The following WDR27 variants were observed in gnomAD, a reference collection of about 807,000 sequenced individuals.
WDR27 encodes the protein WD repeat-containing protein 27.
WDR27 carries 100 observed loss-of-function variants against 114.4 expected under a neutral mutation model. The observed-to-expected ratio is 0.87, with a 90% CI of 0.74 to 1.03. The LOEUF (loss-of-function observed/expected upper bound fraction) is 1.03. Among genes scored for constraint, WDR27 ranks in the 50% least tolerant of loss-of-function variants. The probability of loss-of-function intolerance (pLI) is 0.00; values close to 1 mark genes in which losing one functional copy is unlikely to be tolerated. For missense variants in WDR27, 1,129 were observed against 1,092.9 expected (o/e 1.03, Z -0.47); for synonymous variants, 449 against 423.1 (o/e 1.06, Z -0.75).
chr6:169,596,365 T>A (rs1806793824), intron 23 of WDR27, among the ~76,000 whole-genome samples: 1 of 152,052 alleles, frequency 6.6e-6, no homozygotes, highest in Non-Finnish European at 1.5e-5. Flanking sequence ...GCTCTCTGTA[T>A]TTGCTTTCTA....
intron 17 of WDR27, among the ~76,000 whole-genome samples, chr6:169,641,052 C>T (rs1291025684): frequency 6.6e-6 from 1 of 152,232 alleles, no homozygotes; most frequent in Non-Finnish European, 1.5e-5. Context: ...CGTCCAGTGG[C>T]CACTAAGCCA....
At chr6:169,552,945 C>G (rs966815927) in intron 25 of WDR27, among the ~76,000 whole-genome samples, 5 of 145,566 alleles carry the variant, frequency 3.4e-5, no homozygotes, top group Non-Finnish European at 7.5e-5. Flanking sequence ...CGCACGCGCT[C>G]TGTGTGCTGT....
At chr6:169,446,945 T>C in the WDR27 span, among the ~76,000 whole-genome samples, 1 of 152,220 alleles carries the variant, frequency 6.6e-6, no homozygotes, top group Non-Finnish European at 1.5e-5. Flanking sequence ...ATTGGAAAAG[T>C]TGGTCTTTCT....
At chr6:169,520,236 T>C (rs1409624752) in intron 25 of WDR27, among the ~76,000 whole-genome samples, 1 of 152,152 alleles carries the variant, frequency 6.6e-6, no homozygotes, top group Admixed American at 6.5e-5. Flanking sequence ...CCCACACTGC[T>C]GGAATATCCC....
intron 23 of WDR27, among the ~76,000 whole-genome samples, chr6:169,587,391 G>C (rs1804869785): frequency 6.6e-6 from 1 of 151,892 alleles, no homozygotes; most frequent in African/African-American, 2.4e-5. Context: ...GCTAGTTTTT[G>C]TATTTTTAAT....
At chr6:169,584,155 A>C (rs973402264) in intron 23 of WDR27, among the ~76,000 whole-genome samples, 3 of 152,158 alleles carry the variant, frequency 2.0e-5, no homozygotes, top group African/African-American at 7.2e-5. Flanking sequence ...TTCACACAGA[A>C]GTGAGATCCT....
chr6:169,576,668 G>A (rs1409548684), intron 24 of WDR27, among the ~76,000 whole-genome samples: 2 of 151,724 alleles, frequency 1.3e-5, no homozygotes, highest in Admixed American at 1.3e-4. Flanking sequence ...TTAGGAGGTT[G>A]AGGCAGGAGG....
At chr6:169,646,443 A>T (rs1381542829) in intron 16 of WDR27, among the ~76,000 whole-genome samples, 2 of 152,196 alleles carry the variant, frequency 1.3e-5, no homozygotes, top group Non-Finnish European at 2.9e-5. Flanking sequence ...TTTTCCAAAA[A>T]CAGGGTAGAA....
At chr6:169,643,100 G>A (rs1819639372) in intron 17 of WDR27, among the ~76,000 whole-genome samples, 2 of 152,198 alleles carry the variant, frequency 1.3e-5, no homozygotes, top group South Asian at 4.1e-4. Context: ...AGAAGGACTA[G>A]TGAGATATTT....
At chr6:169,626,728 C>A (rs1305174009) in intron 21 of WDR27, among the ~76,000 whole-genome samples, 1 of 152,224 alleles carries the variant, frequency 6.6e-6, no homozygotes, top group Non-Finnish European at 1.5e-5. Flanking sequence ...TGTTCCACAA[C>A]AGAGCACTTC....
the WDR27 span, among the ~76,000 whole-genome samples, chr6:169,434,357 CTTTTGTCAGGTTTGTTGAAGA>C: frequency 1.3e-5 from 2 of 152,078 alleles, no homozygotes; most frequent in Non-Finnish European, 2.9e-5. Context: ...TTCCCCATCG[CTTTTGTCAGGTTTGTTGAAGA>C]TTAGAGGGTT....
At chr6:169,650,270 TACCC>T (rs1821997462) in intron 14 of WDR27, among the ~76,000 whole-genome samples, 3 of 68,070 alleles carry the variant, frequency 4.4e-5, no homozygotes, top group South Asian at 5.8e-4. Flanking sequence ...CCCCTCCATC[TACCC>T]ACCCACTCAT....
At chr6:169,553,512 G>A (rs1458233589) in intron 25 of WDR27, among the ~76,000 whole-genome samples, 4 of 152,142 alleles carry the variant, frequency 2.6e-5, no homozygotes, top group African/African-American at 4.8e-5. Context: ...TTCTATAGTA[G>A]GAGGATTTCT....
the WDR27 span, among the ~76,000 whole-genome samples, chr6:169,428,280 C>T: frequency 6.6e-6 from 1 of 152,098 alleles, no homozygotes; most frequent in Non-Finnish European, 1.5e-5. Flanking sequence ...TTGAACTTTC[C>T]CCTAAGTGGG....
chr6:169,501,874 G>A (rs1317182029), intron 25 of WDR27, among the ~76,000 whole-genome samples: 3 of 152,210 alleles, frequency 2.0e-5, no homozygotes, highest in Non-Finnish European at 4.4e-5. Flanking sequence ...CGTCAATGAA[G>A]CAAGACCTCC....
intron 23 of WDR27, 116 bp from the exon 24 acceptor site, chr6:169,583,050 A>C: frequency 1.3e-6 from 1 of 791,882 alleles, no homozygotes; most frequent in Non-Finnish European, 2.1e-6. Context: ...ATACAACAGC[A>C]ACAACCAAGA....
chr6:169,673,261 T>A (rs1322110361), intron 2 of WDR27, among the ~76,000 whole-genome samples: 5 of 152,114 alleles, frequency 3.3e-5, no homozygotes, highest in African/African-American at 1.2e-4. Flanking sequence ...CTGAGATGCT[T>A]ATAAGGCGAT....
chr6:169,483,446 C>T (rs575787242), intron 25 of WDR27, among the ~76,000 whole-genome samples: 1 of 152,282 alleles, frequency 6.6e-6, no homozygotes, highest in Non-Finnish European at 1.5e-5. Flanking sequence ...TCCCTGGGCA[C>T]ATACATCCTC....
At chr6:169,442,134 C>T in the WDR27 span, among the ~76,000 whole-genome samples, 1 of 152,220 alleles carries the variant, frequency 6.6e-6, no homozygotes. Context: ...GCTATAAACA[C>T]TCAGACAGCA....
Sources: allele counts gnomAD v4.1 joint callset (sites outside exome capture counted in the v4.1 genomes callset), GRCh38; gene constraint gnomAD v4.1.1; transcripts MANE v1.5; gene names NCBI Gene and HGNC (gene_info 2026-07-23, HGNC 2026-07-21).